DLG2: variants seen among roughly 807,000 people sequenced by gnomAD.
The protein encoded by DLG2 is disks large homolog 2.
In DLG2, 45 loss-of-function variants were observed where a neutral mutation model predicts 132.5. That is an observed-to-expected ratio of 0.34 (90% CI 0.27 to 0.44). The LOEUF (loss-of-function observed/expected upper bound fraction) is 0.44. Ranked by LOEUF, DLG2 falls within the 20% of genes least tolerant of loss-of-function variation. DLG2 has a pLI of 1.00. For missense variants in DLG2, 1,045 were observed against 1,196.9 expected, an observed-to-expected ratio of 0.87 and a Z score of 1.87; for synonymous variants, 424 against 419.6, an observed-to-expected ratio of 1.01 and a Z score of -0.13.
intron 4 of DLG2, among the ~76,000 whole-genome samples, chr11:85,213,804 T>A (rs1397909145): frequency 6.6e-6 from 1 of 152,092 alleles, no homozygotes; most frequent in Non-Finnish European, 1.5e-5. Flanking sequence ...GAAGGGTATG[T>A]TCAGGTGGCT....
intron 2 of DLG2, among the ~76,000 whole-genome samples, chr11:85,615,916 TA>T (rs560556744): frequency 9.2e-4 from 35 of 38,000 alleles, no homozygotes; most frequent in South Asian, 5.3e-3. Context: ...CCCACCCCCC[TA>T]AAAAAAAATG....
At chr11:83,825,379 C>A (rs1239354824) in intron 17 of DLG2, among the ~76,000 whole-genome samples, 1 of 151,666 alleles carries the variant, frequency 6.6e-6, no homozygotes. Flanking sequence ...TGGGGTTTCT[C>A]CATGTTGGTC....
intron 6 of DLG2, among the ~76,000 whole-genome samples, chr11:84,579,180 A>G (rs930313011): frequency 8.7e-5 from 10 of 114,786 alleles, no homozygotes; most frequent in African/African-American, 3.5e-4. Context: ...TACACCTTGC[A>G]TTATTCACGT....
At chr11:84,694,539 T>C (rs1565682896) in intron 6 of DLG2, among the ~76,000 whole-genome samples, 1 of 151,556 alleles carries the variant, frequency 6.6e-6, no homozygotes, top group African/African-American at 2.4e-5. Context: ...GGCATAGTAA[T>C]AGAGTGACAA....
intron 18 of DLG2, among the ~76,000 whole-genome samples, chr11:83,687,036 G>T (rs1445013378): frequency 6.6e-6 from 1 of 152,182 alleles, no homozygotes; most frequent in Non-Finnish European, 1.5e-5. Context: ...GTGCACACAG[G>T]GAGAATGTTT....
At chr11:84,114,625 G>A (rs113856510) in intron 9 of DLG2, among the ~76,000 whole-genome samples, 312 of 152,188 alleles carry the variant, frequency 2.1e-3, no homozygotes, top group African/African-American at 7.0e-3. Context: ...GTTTTTCTGC[G>A]GCTGCACGGA....
chr11:84,128,546 T>C (rs2094279636), intron 9 of DLG2, among the ~76,000 whole-genome samples: 1 of 152,136 alleles, frequency 6.6e-6, no homozygotes, highest in South Asian at 2.1e-4. Context: ...GTGAATAATA[T>C]ATGTATGACT....
intron 21 of DLG2, among the ~76,000 whole-genome samples, chr11:83,521,719 A>T (rs1453789796): frequency 6.6e-6 from 1 of 152,094 alleles, no homozygotes; most frequent in African/African-American, 2.4e-5. Context: ...AGGGTCCCCC[A>T]CATGTTCATG....
intron 6 of DLG2, among the ~76,000 whole-genome samples, chr11:85,100,798 A>C (rs1014677693): frequency 2.0e-5 from 3 of 152,178 alleles, no homozygotes; most frequent in African/African-American, 7.2e-5. Flanking sequence ...GAGTTTATAT[A>C]AACTGAAACA....
intron 4 of DLG2, among the ~76,000 whole-genome samples, chr11:85,216,892 C>T (rs1462974725): frequency 3.3e-5 from 5 of 152,014 alleles, no homozygotes; most frequent in Non-Finnish European, 5.9e-5. Context: ...GACGGGGTTT[C>T]ACTATCTTGG....
chr11:84,544,351 A>G (rs564416022), intron 6 of DLG2, among the ~76,000 whole-genome samples: 1 of 152,366 alleles, frequency 6.6e-6, no homozygotes, highest in Admixed American at 6.5e-5. Flanking sequence ...GATGCCACAC[A>G]TTGAGGATGC....
intron 6 of DLG2, chr11:84,544,996 T>C: frequency 2.5e-6 from 1 of 400,920 alleles, no homozygotes; most frequent in Non-Finnish European, 4.8e-6. Context: ...CACATGAGTA[T>C]TGTCTAAAAC....
chr11:84,858,283 AT>A (rs1259367542), intron 6 of DLG2, among the ~76,000 whole-genome samples: 1 of 152,002 alleles, frequency 6.6e-6, no homozygotes, highest in Non-Finnish European at 1.5e-5. Context: ...CAGAAAAGTC[AT>A]TCCTACTATT....
At chr11:83,966,337 G>A (rs1018458546) in intron 12 of DLG2, among the ~76,000 whole-genome samples, 1 of 151,882 alleles carries the variant, frequency 6.6e-6, no homozygotes, top group Non-Finnish European at 1.5e-5. Flanking sequence ...CATTTAATAT[G>A]AGTCTATTCA....
At chr11:84,494,228 T>C (rs889475589) in intron 7 of DLG2, among the ~76,000 whole-genome samples, 4 of 152,164 alleles carry the variant, frequency 2.6e-5, no homozygotes, top group Admixed American at 2.6e-4. Flanking sequence ...AGATAATACA[T>C]GTGCTTCTTA....
At chr11:83,557,478 C>G (rs41527345) in intron 19 of DLG2, among the ~76,000 whole-genome samples, 2,371 of 152,258 alleles carry the variant, frequency 0.016, 75 homozygotes, top group African/African-American at 0.053. Flanking sequence ...TTCTCGTTAC[C>G]TCCAATTTTA....
At chr11:85,108,550 C>A (rs893645131) in intron 6 of DLG2, among the ~76,000 whole-genome samples, 2 of 80,886 alleles carry the variant, frequency 2.5e-5, no homozygotes, top group African/African-American at 1.4e-4. Context: ...AGTTAACCGC[C>A]CATTTTTTTT....
intron 18 of DLG2, among the ~76,000 whole-genome samples, chr11:83,698,837 C>G (rs1359572469): frequency 1.3e-5 from 2 of 151,762 alleles, no homozygotes; most frequent in African/African-American, 4.8e-5. Context: ...GTTGTAAAGT[C>G]AGGGTCTGCG....
At chr11:83,999,638 C>T (rs1324496756) in intron 11 of DLG2, among the ~76,000 whole-genome samples, 2 of 152,116 alleles carry the variant, frequency 1.3e-5, no homozygotes, top group East Asian at 3.9e-4. Flanking sequence ...TCACTGCTGC[C>T]ACCCCTGGGG....
Sources: gnomAD v4.1 joint callset for allele counts (sites outside exome capture counted in the v4.1 genomes callset) on GRCh38, gnomAD v4.1.1 for gene constraint, MANE v1.5 for transcripts, NCBI Gene and HGNC (gene_info 2026-07-23, HGNC 2026-07-21) for gene names.